Variants in SCHIP1 observed in about 807,000 individuals in gnomAD.
SCHIP1 encodes schwannomin-interacting protein 1.
A neutral mutation model predicts 29.7 loss-of-function variants in SCHIP1; 8 were observed. The observed-to-expected ratio is 0.27, with a 90% CI of 0.16 to 0.49. The LOEUF is 0.49. Ranked by LOEUF, SCHIP1 falls within the 20% of genes least tolerant of loss-of-function variation. The probability of loss-of-function intolerance (pLI) is 0.99; values close to 1 mark genes in which losing one functional copy is unlikely to be tolerated. For synonymous variants in SCHIP1, 76 were observed against 94.9 expected (o/e 0.80, Z 1.16); for missense variants, 193 against 294.6 (o/e 0.66, Z 2.52).
At chr3:159,478,491 A>G in the SCHIP1 span, among the ~76,000 whole-genome samples, 1 of 151,978 alleles carries the variant, frequency 6.6e-6, no homozygotes, top group Non-Finnish European at 1.5e-5. Flanking sequence ...TTGCTCTATA[A>G]TATGTTTTAA....
the SCHIP1 span, among the ~76,000 whole-genome samples, chr3:159,788,444 T>A: frequency 1.3e-5 from 2 of 152,164 alleles, no homozygotes; most frequent in East Asian, 3.8e-4. Flanking sequence ...CTTTCACTTG[T>A]AAGAAATTAA....
At chr3:159,538,847 C>T in the SCHIP1 span, among the ~76,000 whole-genome samples, 3,862 of 152,164 alleles carry the variant, frequency 0.025, 174 homozygotes, top group African/African-American at 0.089. Flanking sequence ...CTTGGAATGG[C>T]TTATTGGATG....
At chr3:159,355,384 C>A in the SCHIP1 span, among the ~76,000 whole-genome samples, 2 of 152,104 alleles carry the variant, frequency 1.3e-5, no homozygotes, top group African/African-American at 4.8e-5. Context: ...TTGAACCCCC[C>A]AACGCTGTTA....
At chr3:159,703,727 G>A in the SCHIP1 span, among the ~76,000 whole-genome samples, 1 of 152,178 alleles carries the variant, frequency 6.6e-6, no homozygotes, top group East Asian at 1.9e-4. Flanking sequence ...AAGAAACAAG[G>A]AATACAGGGA....
chr3:159,553,381 T>C, the SCHIP1 span, among the ~76,000 whole-genome samples: 1 of 152,048 alleles, frequency 6.6e-6, no homozygotes, highest in South Asian at 2.1e-4. Context: ...ACAGATTCAG[T>C]AATGGGATAA....
chr3:159,626,859 C>T, the SCHIP1 span, among the ~76,000 whole-genome samples: 1 of 152,136 alleles, frequency 6.6e-6, no homozygotes. Context: ...ATTATATTGC[C>T]AGTCAGCTGC....
chr3:159,551,285 G>A, the SCHIP1 span, among the ~76,000 whole-genome samples: 4 of 152,212 alleles, frequency 2.6e-5, no homozygotes, highest in East Asian at 3.9e-4. Flanking sequence ...GCTTTGACGA[G>A]GTTTACTTTT....
At chr3:159,403,194 G>C in the SCHIP1 span, among the ~76,000 whole-genome samples, 1 of 152,102 alleles carries the variant, frequency 6.6e-6, no homozygotes, top group Admixed American at 6.6e-5. Flanking sequence ...AAAATGAGGA[G>C]GGTGGAGTAT....
intron 1 of SCHIP1, chr3:159,853,257 C>T (rs574944402): frequency 3.9e-4 from 211 of 534,644 alleles, no homozygotes; most frequent in African/African-American, 3.8e-3. Context: ...CGGCCGGGCA[C>T]AGCCTCTTAG....
chr3:159,571,442 G>C, the SCHIP1 span, among the ~76,000 whole-genome samples: 34 of 150,450 alleles, frequency 2.3e-4, 1 homozygote, highest in African/African-American at 8.0e-4. Context: ...TTATTGATTT[G>C]CATATGTTGA....
At chr3:159,412,782 C>G in the SCHIP1 span, among the ~76,000 whole-genome samples, 2 of 152,114 alleles carry the variant, frequency 1.3e-5, no homozygotes, top group African/African-American at 2.4e-5. Flanking sequence ...GAAAGCAGTT[C>G]TACTAAACAG....
chr3:159,285,162 C>A, the SCHIP1 span, among the ~76,000 whole-genome samples: 3 of 152,014 alleles, frequency 2.0e-5, no homozygotes, highest in Non-Finnish European at 4.4e-5. Flanking sequence ...TTTTTAGTTT[C>A]ATATAGAAAT....
At chr3:159,625,339 A>G in the SCHIP1 span, among the ~76,000 whole-genome samples, 9 of 152,226 alleles carry the variant, frequency 5.9e-5, no homozygotes, top group Admixed American at 5.9e-4. Flanking sequence ...CCCACACATA[A>G]TAAGTGTTCA....
the SCHIP1 span, among the ~76,000 whole-genome samples, chr3:159,303,723 G>A: frequency 5.3e-5 from 8 of 152,090 alleles, no homozygotes; most frequent in African/African-American, 1.4e-4. Flanking sequence ...AGCAGTAGGA[G>A]GGAGTTGAAA....
chr3:159,618,235 G>A, the SCHIP1 span, among the ~76,000 whole-genome samples: 1 of 152,146 alleles, frequency 6.6e-6, no homozygotes. Context: ...TATGGAGAAG[G>A]AAAATACTAT....
the SCHIP1 span, among the ~76,000 whole-genome samples, chr3:159,673,017 A>G: frequency 2.6e-5 from 4 of 152,148 alleles, no homozygotes; most frequent in Non-Finnish European, 5.9e-5. Context: ...TTGTTATCCA[A>G]ATAAGAAAAA....
chr3:159,516,635 A>T, the SCHIP1 span, among the ~76,000 whole-genome samples: 1 of 151,716 alleles, frequency 6.6e-6, no homozygotes, highest in Non-Finnish European at 1.5e-5. Context: ...CTATCCCAAG[A>T]TCTCCTCCTT....
the SCHIP1 span, among the ~76,000 whole-genome samples, chr3:159,441,795 TTTGCAGAGGAAGTCC>T: frequency 6.6e-6 from 1 of 151,976 alleles, no homozygotes; most frequent in Admixed American, 6.6e-5. Flanking sequence ...CAAGGAGAGT[TTTGCAGAGGAAGTCC>T]TTTCATCTTG....
the SCHIP1 span, among the ~76,000 whole-genome samples, chr3:159,529,835 A>G: frequency 6.6e-6 from 1 of 152,162 alleles, no homozygotes; most frequent in Non-Finnish European, 1.5e-5. Flanking sequence ...TAGATCCTAC[A>G]TATGAGTGAG....
Sources: gnomAD v4.1 joint callset for allele counts (sites outside exome capture counted in the v4.1 genomes callset) on GRCh38, gnomAD v4.1.1 for gene constraint, MANE v1.5 for transcripts, NCBI Gene and HGNC (gene_info 2026-07-23, HGNC 2026-07-21) for gene names.